Variants in PELI3 observed in about 807,000 individuals in gnomAD.
The protein encoded by PELI3 is pellino E3 ubiquitin protein ligase family member 3.
PELI3 carries 19 observed loss-of-function variants against 35.5 expected under a neutral mutation model. The observed-to-expected ratio is 0.54, with a 90% CI of 0.37 to 0.79. PELI3 has a LOEUF of 0.79. Among genes scored for constraint, PELI3 ranks in the 30% least tolerant of loss-of-function variants. PELI3 has a pLI of 0.00. For missense variants in PELI3, 490 were observed against 661.2 expected, an observed-to-expected ratio of 0.74 and a Z score of 2.84; for synonymous variants, 262 against 279.2, an observed-to-expected ratio of 0.94 and a Z score of 0.62.
upstream of PELI3, chr11:66,466,879 C>G (rs1037865718): frequency 3.2e-4 from 49 of 152,030 alleles, no homozygotes; most frequent in African/African-American, 1.2e-3. Flanking sequence ...GCTGTTCGCG[C>G]TCATCCCCCT....
In PELI3 at chr11:66,472,371, A is replaced by G. The variant is rs748552511; in HGVS notation, c.357A>G (p.Ala119=). 2 of 1,613,524 alleles carry G rather than the reference A, an allele frequency of 1.2e-6. No individual in the cohort carries two copies. Among genetic ancestry groups the G allele is most frequent in the Non-Finnish European group, 1.7e-6 (2 of 1,179,722 alleles). Residue 119 remains alanine (A), a splice_region_variant and synonymous_variant, in exon 5 of 8, where the codon GCA becomes GCG. Transcript: ENST00000320740. ...AGTGACTTTTTTCTCCCCACCAGGC[A>G]CTGAGTAACCGTGGTCAGCACAGCA... ...HHISTPLVSK[A]LSNRGQHSIS...
At position 66,471,324 on chromosome 11, in the gene PELI3, G is replaced by A; in HGVS notation, c.307G>A (p.Val103Met). ...GAGCCGCCGGTCGCACGCCAACGGGGTGAAGCCAGACGTCATGCACCACAT... is the reference window on the plus strand; with the variant it reads ...GAGCCGCCGGTCGCACGCCAACGGGATGAAGCCAGACGTCATGCACCACAT... ...ALSRRSHANG[V>M]KPDVMHHIST... is the part of the protein sequence containing the mutation. Residue 103 changes from valine to methionine, a missense_variant, in exon 4 of 8, where the codon GTG becomes ATG. By Grantham distance (21) the Val-to-Met change is conservative (BLOSUM62 1). This residue lies in a region of PELI3 where 137 missense variants were observed against 157.1 expected (regional missense o/e 0.87). Transcript: ENST00000320740. 6.2e-7 allele frequency: 1 copy of A among 1,614,050 alleles called. No individual in the cohort carries two copies. The highest frequency in any genetic ancestry group is 8.5e-7 in the Non-Finnish European group (1 of 1,179,992).
At chr11:66,474,223 C>A in intron 7 of PELI3, 1 of 604,962 alleles carries the variant, frequency 1.7e-6, no homozygotes, top group South Asian at 2.0e-5. Context: ...AGGCTGCTGG[C>A]AGCTTAAAAA....
Position 66,467,301 on chromosome 11 carries a change from G to A in PELI3, c.-2+274G>A, listed in dbSNP as rs1192804165. ...GGTGCTGGGCCGCGGTTCCCGTTCTGCCCGCCCGGGGCGCAGGGCGCGGGC... is the reference window on the plus strand; with the variant it reads ...GGTGCTGGGCCGCGGTTCCCGTTCTACCCGCCCGGGGCGCAGGGCGCGGGC... On this transcript the variant is annotated intron_variant, in intron 1 of 7. Coordinates refer to ENST00000320740, the MANE Select transcript of PELI3 (RefSeq NM_145065.3). This position sits in a 1 kb window ranked among gnomAD's most constrained non-coding sequence, Gnocchi z 4.2. 1 of 151,740 alleles carries A rather than the reference G, an allele frequency of 6.6e-6. No individual in the cohort carries two copies. Among genetic ancestry groups the A allele is most frequent in the Non-Finnish European group, 1.5e-5 (1 of 67,912 alleles). 9.4% of individuals were successfully genotyped at this position (151,740 alleles called of 1,614,324 possible).
chr11:66,474,903 G>A (rs1854851528), intron 7 of PELI3: 1 of 152,174 alleles, frequency 6.6e-6, no homozygotes. Context: ...CTAACTTTTT[G>A]TATTTTTAGT....
chr11:66,473,214 C>T lies in PELI3; in HGVS notation c.457-27C>T, dbSNP rs532516305. 4 of 1,583,134 alleles carry T rather than the reference C, an allele frequency of 2.5e-6. No individual in the cohort carries two copies. The highest frequency in any genetic ancestry group is 3.4e-6 in the Non-Finnish European group (4 of 1,162,662). ...TGAGAGTCCCCTATGTACATACAGT[C>T]CCTGCTTGCTCTCCCTGTCCTCACA... On this transcript the variant is annotated intron_variant, in intron 5 of 7. Transcript: ENST00000320740. The surrounding 1 kb of genome is among the most constrained non-coding windows in gnomAD (Gnocchi z 5.8).
chr11:66,466,343 C>T (rs1854522060), upstream of PELI3: 1 of 152,494 alleles, frequency 6.6e-6, no homozygotes, highest in Non-Finnish European at 1.5e-5. Flanking sequence ...GTCTGCGACT[C>T]TGGTCAACTG....
At chr11:66,474,853 C>T (rs1415196396) in intron 7 of PELI3, 1 of 152,184 alleles carries the variant, frequency 6.6e-6, no homozygotes, top group Non-Finnish European at 1.5e-5. Flanking sequence ...CCTCAGCCTC[C>T]CACGTAGCTG....
intron 2 of PELI3, 144 bp downstream of exon 2, chr11:66,468,424 CA>C: frequency 1.3e-6 from 1 of 772,368 alleles, no homozygotes; most frequent in Non-Finnish European, 1.8e-6. Context: ...CAAAATTGAC[CA>C]AACCCACCTC....
intron 3 of PELI3, among the ~76,000 whole-genome samples, chr11:66,470,123 C>G (rs1854669389): frequency 6.6e-6 from 1 of 152,168 alleles, no homozygotes; most frequent in South Asian, 2.1e-4. Context: ...AACAAACTCA[C>G]TAGAAGATTC....
rs1854906568 is a variant in PELI3, at chr11:66,476,019, T to A, written c.1262T>A (p.Val421Asp). 1 of 1,612,092 alleles carries A rather than the reference T, an allele frequency of 6.2e-7. No individual in the cohort carries two copies. Residue 421 changes from valine (V) to aspartate (D), a missense_variant, in exon 8 of 8, where the codon GTC becomes GAC. By Grantham distance (152) the Val-to-Asp change is radical. This residue lies in a region of PELI3 where 349 missense variants were observed against 484.8 expected (regional missense o/e 0.72). Transcript: ENST00000320740. The part of the protein sequence containing the change: ...PSHAFAPCGH[V>D]CSEKTARYWA... ...CATGCCTTTGCACCTTGCGGCCACG[T>A]CTGCTCTGAGAAGACTGCCCGCTAC...
upstream of PELI3, chr11:66,466,497 G>C (rs1265493894): frequency 6.6e-6 from 1 of 152,318 alleles, no homozygotes; most frequent in Admixed American, 6.5e-5. Context: ...TAAGGCTAGG[G>C]AAGGGGCCTC....
chr11:66,472,340 C>T (rs1854751995), intron 4 of PELI3, 29 bp from the exon 5 acceptor site: 11 of 1,575,234 alleles, frequency 7.0e-6, no homozygotes, highest in Non-Finnish European at 9.6e-6. Flanking sequence ...GCTGCACACC[C>T]TGGCAAGTGA....
rs990372739 is a variant in PELI3, at chr11:66,476,773, T to A, written c.*606T>A. 1.3e-5 allele frequency: 2 copies of A among 153,078 alleles called. No homozygotes were observed. Among genetic ancestry groups the A allele is most frequent in the Non-Finnish European group, 2.9e-5 (2 of 68,668 alleles). The allele number at this position is 153,078 out of a possible 1,614,324, so 9.5% of individuals were successfully genotyped here. ...GGGACACAGAGGCAATCAGACCTGGTTCCCCCCCTGGTGGAGTTCACAGTC... is the reference window on the plus strand; with the variant it reads ...GGGACACAGAGGCAATCAGACCTGGATCCCCCCCTGGTGGAGTTCACAGTC... On this transcript the variant is annotated 3_prime_UTR_variant, in exon 8 of 8. Transcript: ENST00000320740.
upstream of PELI3, chr11:66,466,671 G>A (rs1457047701): frequency 2.6e-5 from 4 of 152,406 alleles, no homozygotes; most frequent in Non-Finnish European, 5.9e-5. Context: ...GGGCAAGGGA[G>A]TCCCTCAGAC....
Position 66,473,254 on chromosome 11 carries a change from C to G in PELI3, c.470C>G (p.Thr157Arg), listed in dbSNP as rs1343797471. The change falls in exon 6 of 8, where the codon ACA (threonine) becomes AGA (arginine). Residue 157 changes from threonine to arginine, a missense_variant. Physicochemically the swap from Thr to Arg is moderately conservative, Grantham distance 71 (BLOSUM62 -1). Coordinates refer to ENST00000320740, the MANE Select transcript of PELI3 (RefSeq NM_145065.3). This position sits in a 1 kb window ranked among gnomAD's most constrained non-coding sequence, Gnocchi z 5.8. The stretch of plus-strand genomic sequence containing the variant: ...CTGTCCTCACAGATTGGCCGCTCCA[C>G]AGAGAACATGATTGACTTCGTGGTA... Reference protein sequence around the residue: ...DTDMFQIGRSTENMIDFVVTD... With the variant: ...DTDMFQIGRSRENMIDFVVTD... The G allele has an allele frequency of 1.2e-6, 2 of 1,611,334 alleles. No individual in the cohort carries two copies. Among genetic ancestry groups the G allele is most frequent in the Non-Finnish European group, 1.7e-6 (2 of 1,178,550 alleles).
chr11:66,469,946 C>G (rs1854663448), intron 3 of PELI3, among the ~76,000 whole-genome samples: 1 of 151,862 alleles, frequency 6.6e-6, no homozygotes, highest in Non-Finnish European at 1.5e-5. Flanking sequence ...ATTACAGGCA[C>G]CCACCAGCAT....
At chr11:66,472,137 A>T (rs1854742581) in intron 4 of PELI3, among the ~76,000 whole-genome samples, 1 of 151,678 alleles carries the variant, frequency 6.6e-6, no homozygotes, top group African/African-American at 2.4e-5. Flanking sequence ...GCCTCCCAAA[A>T]TGCTGGGATT....
At position 66,476,396 on chromosome 11, in the gene PELI3, C is replaced by T. The variant is rs945874847; in HGVS notation, c.*229C>T. 8.7e-6 allele frequency: 5 copies of T among 576,556 alleles called. No individual in the cohort carries two copies. Among genetic ancestry groups the T allele is most frequent in the South Asian group, 4.4e-5 (2 of 44,970 alleles). 35.7% of individuals were successfully genotyped at this position (576,556 alleles called of 1,614,324 possible). A position where few individuals can be genotyped will look rare whatever the true frequency, so the allele number is the denominator to read the frequency against. ...CTTCAGCACCAGCTCTGTCCTGGGT[C>T]GATGGAGGAAAGCCCAGCCCCATGG... On this transcript the variant is annotated 3_prime_UTR_variant, in exon 8 of 8. Coordinates refer to ENST00000320740, the MANE Select transcript of PELI3 (RefSeq NM_145065.3).
Sources: allele counts gnomAD v4.1 joint callset (sites outside exome capture counted in the v4.1 genomes callset), GRCh38; gene constraint gnomAD v4.1.1; regional missense constraint gnomAD v4.1.1; non-coding constraint Gnocchi (gnomAD v3.1); transcripts MANE v1.5; gene names NCBI Gene and HGNC (gene_info 2026-07-23, HGNC 2026-07-21).